SYNGR4: variants seen among roughly 807,000 people sequenced by gnomAD.
The protein encoded by SYNGR4 is synaptogyrin-4.
A neutral mutation model predicts 15.5 loss-of-function variants in SYNGR4; 15 were observed. That is an observed-to-expected ratio of 0.97 (90% CI 0.65 to 1.49). The LOEUF is 1.49. Ranked by LOEUF, SYNGR4 falls within the 40% of genes most tolerant of loss-of-function variation. The pLI is 0.00. For missense variants in SYNGR4, 292 were observed against 299.3 expected, an observed-to-expected ratio of 0.98 and a Z score of 0.18; for synonymous variants, 121 against 127.4, an observed-to-expected ratio of 0.95 and a Z score of 0.34.
chr19:48,365,198 C>T (rs1970177015), intron 1 of SYNGR4, among the ~76,000 whole-genome samples: 1 of 148,444 alleles, frequency 6.7e-6, no homozygotes, highest in Admixed American at 6.6e-5. Flanking sequence ...TGCCTGGGAC[C>T]CCTAGTATCC....
At chr19:48,375,588 C>G in intron 3 of SYNGR4, 25 bp from the exon 4 acceptor site, 1 of 1,598,968 alleles carries the variant, frequency 6.3e-7, no homozygotes, top group Non-Finnish European at 8.6e-7. Context: ...CCCCCTGCCC[C>G]TTTTCTCTCC....
At chr19:48,370,090 C>T (rs1970281670) in intron 2 of SYNGR4, among the ~76,000 whole-genome samples, 1 of 150,620 alleles carries the variant, frequency 6.6e-6, no homozygotes, top group South Asian at 2.1e-4. Flanking sequence ...TTGCCTCCTC[C>T]ATCTCCACTC....
intron 1 of SYNGR4, among the ~76,000 whole-genome samples, chr19:48,365,386 T>C (rs1433365105): frequency 4.2e-5 from 1 of 23,782 alleles, no homozygotes; most frequent in Non-Finnish European, 8.6e-5. Context: ...TGCCTCCCAC[T>C]TCTGGGACCC....
chr19:48,376,149 T>C lies in SYNGR4; in HGVS notation c.536T>C (p.Phe179Ser), dbSNP rs2147413380. 1.9e-6 allele frequency: 3 copies of C among 1,614,090 alleles called. No individual in the cohort carries two copies. Among genetic ancestry groups the C allele is most frequent in the Non-Finnish European group, 2.5e-6 (3 of 1,180,010 alleles). The change falls in exon 5 of 5, where the codon TTC becomes TCC. Residue 179 changes from phenylalanine to serine, a missense_variant. Coordinates refer to ENST00000344846, the MANE Select transcript of SYNGR4 (RefSeq NM_012451.4). ...GATGCTCCAGTCCCTTACAAGCGCT[T>C]CCTGGATGAGGGTGGCATGGTGCTG... is the stretch of plus-strand genomic sequence containing the variant. ...RNDAPVPYKR[F>S]LDEGGMVLTT...
Position 48,364,394 on chromosome 19 carries a change from G to T in SYNGR4, c.-251G>T. The T allele has an allele frequency of 6.3e-6, 1 of 159,914 alleles. No individual in the cohort carries two copies. 9.9% of individuals were successfully genotyped at this position (159,914 alleles called of 1,614,324 possible). ...GGTGGCGCTAGGGACCAGGAGGGGT[G>T]GGGGTGGCGAAAGGAAGGGCGGGCC... On this transcript the variant is annotated 5_prime_UTR_variant, in exon 1 of 5. Transcript: ENST00000344846.
intron 1 of SYNGR4, 50 bp from the exon 2 acceptor site, chr19:48,365,686 C>T (rs1970204086): frequency 3.1e-6 from 2 of 639,162 alleles, no homozygotes; most frequent in Admixed American, 5.5e-5. Context: ...CCCAACAGCC[C>T]TTCCACCCCG....
chr19:48,375,733 T>C lies in SYNGR4; in HGVS notation c.452T>C (p.Phe151Ser), dbSNP rs143772834. Residue 151 changes from phenylalanine to serine, a missense_variant, in exon 4 of 5, where the codon TTC becomes TCC. Coordinates refer to ENST00000344846, the MANE Select transcript of SYNGR4 (RefSeq NM_012451.4). ...GCCCAGGCAGCCATCGCCTTCACCT[T>C]CTTCTCCATCCTTGTCTGGGTGAGG... ...SSAQAAIAFTFFSILVWIFQA... is the reference protein window; with the variant it reads ...SSAQAAIAFTSFSILVWIFQA... 803 of 1,613,476 alleles carry C rather than the reference T, an allele frequency of 5.0e-4. 4 individuals carry two copies. The African/African-American group carries it at 9.7e-3, about 19-fold the overall frequency.
chr19:48,367,198 C>T (rs543436859), intron 2 of SYNGR4, among the ~76,000 whole-genome samples: 13 of 151,082 alleles, frequency 8.6e-5, no homozygotes, highest in African/African-American at 1.7e-4. Context: ...TTTGGGAGGC[C>T]GAGGCGGGCG....
intron 1 of SYNGR4, among the ~76,000 whole-genome samples, chr19:48,365,314 G>T (rs1970183781): frequency 9.7e-6 from 1 of 102,672 alleles, no homozygotes. Flanking sequence ...CCCACTTCAG[G>T]GACCCCTAGC....
intron 1 of SYNGR4, among the ~76,000 whole-genome samples, chr19:48,365,291 G>A (rs1440512962): frequency 7.1e-5 from 1 of 14,098 alleles, no homozygotes. Context: ...CCCAGCACCC[G>A]CATCCTATGT....
intron 2 of SYNGR4, among the ~76,000 whole-genome samples, chr19:48,369,775 C>T (rs1370078833): frequency 6.6e-6 from 1 of 152,162 alleles, no homozygotes; most frequent in African/African-American, 2.4e-5. Context: ...TGAATATGGG[C>T]TCAAAAATGA....
At chr19:48,369,801 G>A (rs1947357541) in intron 2 of SYNGR4, among the ~76,000 whole-genome samples, 2 of 152,134 alleles carry the variant, frequency 1.3e-5, no homozygotes, top group South Asian at 2.1e-4. Context: ...GTGCTTTCTT[G>A]TCCTCGACCT....
At chr19:48,369,826 C>T (rs1356854624) in intron 2 of SYNGR4, among the ~76,000 whole-genome samples, 1 of 152,202 alleles carries the variant, frequency 6.6e-6, no homozygotes, top group Non-Finnish European at 1.5e-5. Flanking sequence ...CTGCCTCAGA[C>T]CAGCAGGGCC....
rs1458550753 is a variant in SYNGR4 at position 48,375,608 on chromosome 19, C to T, written c.332-5C>T. The T allele has an allele frequency of 2.5e-6, 4 of 1,610,646 alleles. No individual in the cohort carries two copies. The highest frequency in any genetic ancestry group is 2.2e-5 in the East Asian group (1 of 44,770). ...TGCCCCTTTTCTCTCCCTGTGACGC[C>T]ACAGTTCTCTGGGCAGTTGTCTGGT... On this transcript the variant is annotated splice_polypyrimidine_tract_variant and splice_region_variant and intron_variant, in intron 3 of 4. Transcript: ENST00000344846.
chr19:48,375,906 C>T, intron 4 of SYNGR4, 154 bp downstream of exon 4: 1 of 1,510,256 alleles, frequency 6.6e-7, no homozygotes, highest in Non-Finnish European at 8.8e-7. Context: ...CCAGGTGCCG[C>T]TTCCTCTGAG....
At chr19:48,365,280 C>CCTAGTATCCCCATCCTATGCCCCCCT (rs1970181732) in intron 1 of SYNGR4, among the ~76,000 whole-genome samples, 1 of 137,678 alleles carries the variant, frequency 7.3e-6, no homozygotes. Context: ...TCCTGGGAAC[C>CCTAGTATCCCCATCCTATGCCCCCCT]CCCAGCACCC....
chr19:48,376,283 A>T lies in SYNGR4; in HGVS notation c.670A>T (p.Lys224Ter). The T allele has an allele frequency of 6.2e-7, 1 of 1,612,872 alleles. No individual in the cohort carries two copies. Among genetic ancestry groups the T allele is most frequent in the Non-Finnish European group, 8.5e-7 (1 of 1,179,682 alleles). Residue 224 changes from lysine (K) to a stop codon, truncating the protein, a stop_gained, in exon 5 of 5, where the codon AAG (lysine) becomes TAG (stop). Coordinates refer to ENST00000344846, the MANE Select transcript of SYNGR4 (RefSeq NM_012451.4). LOFTEE classifies it high-confidence loss of function. ...CCTGTCCCCCTGTCTGACCGCTCCA[A>T]AGTCCCCCCGGCTTGCTATGATGCC... ...SALSPCLTAPKSPRLAMMPDN is the reference protein window; with the variant it reads ...SALSPCLTAP
chr19:48,367,589 T>G (rs1652540298), intron 2 of SYNGR4, among the ~76,000 whole-genome samples: 1 of 151,988 alleles, frequency 6.6e-6, no homozygotes, highest in African/African-American at 2.4e-5. Context: ...ACCTCCCAGT[T>G]GAGGGAGGAG....
At chr19:48,366,009 C>T (rs1020269505) in intron 2 of SYNGR4, 74 bp downstream of exon 2, 30 of 1,477,078 alleles carry the variant, frequency 2.0e-5, no homozygotes, top group African/African-American at 1.5e-4. Flanking sequence ...AGACACAGTG[C>T]GGGAGATGGG....
Sources: gnomAD v4.1 joint callset for allele counts (sites outside exome capture counted in the v4.1 genomes callset) on GRCh38, gnomAD v4.1.1 for gene constraint, MANE v1.5 for transcripts, NCBI Gene and HGNC (gene_info 2026-07-23, HGNC 2026-07-21) for gene names.